The following DDX24 variants were observed in gnomAD, a reference collection of about 807,000 sequenced individuals.
The protein encoded by DDX24 is ATP-dependent RNA helicase DDX24.
In DDX24, 24 loss-of-function variants were observed where a neutral mutation model predicts 68.9. The observed-to-expected ratio is 0.35, with a 90% CI of 0.25 to 0.49. The LOEUF is 0.49. DDX24 is among the 20% of genes least tolerant of loss of function. The pLI is 0.99. For missense variants in DDX24, 989 were observed against 1,039.0 expected, an observed-to-expected ratio of 0.95 and a Z score of 0.66; for synonymous variants, 395 against 385.2, an observed-to-expected ratio of 1.03 and a Z score of -0.30.
rs779464481 is a variant in DDX24 at position 94,061,003 on chromosome 14, C to A, written c.1307G>T (p.Arg436Leu). The A allele has an allele frequency of 2.5e-6, 4 of 1,614,182 alleles. No homozygotes were observed. Among genetic ancestry groups the A allele is most frequent in the Non-Finnish European group, 3.4e-6 (4 of 1,180,034 alleles). The change falls in exon 4 of 9, where the codon CGT becomes CTT. Residue 436 changes from arginine to leucine, a missense_variant. By Grantham distance (102) the Arg-to-Leu change is moderately radical. This residue lies in a region of DDX24 where 691 missense variants were observed against 760.0 expected (regional missense o/e 0.91). Transcript: ENST00000621632. ...STQKQQRMLN[R>L]RPEIVVATPG... ...AGTAGCAACCACAATCTCAGGACGA[C>A]GGTTCAGCATCCTCTGCTGTTTCTG...
Position 94,079,653 on chromosome 14 carries a change from C to A in DDX24, c.90G>T (p.Lys30Asn). ...ACATATTTGGGTCAATCTTCACTTC[C>A]TTCCATTTTCCCACAACTTTGATTC... ...TKGIKVVGKW[K>N]EVKIDPNMFA... The change falls in exon 2 of 9, where the codon AAG becomes AAT. Residue 30 changes from lysine (K) to asparagine (N), a missense_variant. Lys to Asn is a moderately conservative substitution (Grantham distance 94). This residue lies in a region of DDX24 where 295 missense variants were observed against 263.0 expected (regional missense o/e 1.12). Coordinates refer to ENST00000621632, the MANE Select transcript of DDX24 (RefSeq NM_020414.4). The A allele has an allele frequency of 6.2e-7, 1 of 1,614,180 alleles. No individual in the cohort carries two copies. The highest frequency in any genetic ancestry group is 1.1e-5 in the South Asian group (1 of 91,078).
At chr14:94,073,722 A>G (rs1885878866) in intron 2 of DDX24, among the ~76,000 whole-genome samples, 1 of 152,146 alleles carries the variant, frequency 6.6e-6, no homozygotes, top group African/African-American at 2.4e-5. Flanking sequence ...AAACTAATAG[A>G]ACTGCAAGTA....
In DDX24 at chr14:94,081,100, C is replaced by T. The variant is rs573270843; in HGVS notation, c.-6+19G>A. The T allele has an allele frequency of 2.6e-5, 4 of 152,412 alleles. No homozygotes were observed. Among genetic ancestry groups the T allele is most frequent in the Admixed American group, 2.0e-4 (3 of 15,310 alleles). The allele number at this position is 152,412 out of a possible 1,614,324, so 9.4% of individuals were successfully genotyped here. ...CCCTCTCCAGAGTCGGCTCCAACCC[C>T]GCTCGTTTTGGTACTCACCGTGTGG... On this transcript the variant is annotated intron_variant, in intron 1 of 8. Coordinates refer to ENST00000621632, the MANE Select transcript of DDX24 (RefSeq NM_020414.4).
intron 2 of DDX24, among the ~76,000 whole-genome samples, chr14:94,069,046 A>G (rs1885773406): frequency 6.6e-6 from 1 of 152,190 alleles, no homozygotes; most frequent in Admixed American, 6.5e-5. Context: ...AAACAAACAA[A>G]CAAAAAAACA....
chr14:94,078,285 T>C (rs1567062989), intron 2 of DDX24, among the ~76,000 whole-genome samples: 1 of 152,214 alleles, frequency 6.6e-6, no homozygotes, highest in African/African-American at 2.4e-5. Context: ...CCTCCATGGA[T>C]ATCAAGAGAT....
Position 94,051,132 on chromosome 14 carries a change from G to A in DDX24, c.*59C>T. ...TGGAGTGAAACACAAGGGTGGGAGAGGTTTTGCAAATAGCCAGAGAACAGA... is the reference window on the plus strand; with the variant it reads ...TGGAGTGAAACACAAGGGTGGGAGAAGTTTTGCAAATAGCCAGAGAACAGA... On this transcript the variant is annotated 3_prime_UTR_variant, in exon 9 of 9. Coordinates refer to ENST00000621632, the MANE Select transcript of DDX24 (RefSeq NM_020414.4). The A allele has an allele frequency of 6.8e-7, 1 of 1,478,354 alleles. No individual in the cohort carries two copies. Among genetic ancestry groups the A allele is most frequent in the Non-Finnish European group, 9.0e-7 (1 of 1,115,980 alleles). 91.6% of individuals were successfully genotyped at this position (1,478,354 alleles called of 1,614,324 possible).
intron 6 of DDX24, 74 bp downstream of exon 6, chr14:94,057,748 C>T: frequency 4.2e-6 from 6 of 1,434,480 alleles, no homozygotes; most frequent in Non-Finnish European, 5.8e-6. Flanking sequence ...ATTCCTCCTC[C>T]CTCCCCCAAC....
At chr14:94,051,487 CCTATTTA>C in intron 8 of DDX24, 25 bp from the exon 9 acceptor site, 3 of 1,510,310 alleles carry the variant, frequency 2.0e-6, no homozygotes, top group Non-Finnish European at 2.6e-6. Context: ...CAAAAACGAT[CCTATTTA>C]CTATGGTTTG....
In DDX24 at chr14:94,050,885, TAAAAA is replaced by T; in HGVS notation, c.*301_*305del. ...TACACCACCACCCCCATCTTCTATC[TAAAAA>T]AAAAAAAAAAAAATCAGGATGACAC... On this transcript the variant is annotated 3_prime_UTR_variant, in exon 9 of 9. Coordinates refer to ENST00000621632, the MANE Select transcript of DDX24 (RefSeq NM_020414.4). 1 of 226,002 alleles carries T rather than the reference TAAAAA, an allele frequency of 4.4e-6. No individual in the cohort carries two copies. The highest frequency in any genetic ancestry group is 8.1e-6 in the Non-Finnish European group (1 of 123,896). 14.0% of individuals were successfully genotyped at this position (226,002 alleles called of 1,614,324 possible).
chr14:94,080,427 G>A (rs150199731), intron 1 of DDX24, among the ~76,000 whole-genome samples: 4 of 152,294 alleles, frequency 2.6e-5, no homozygotes, highest in Admixed American at 2.6e-4. Context: ...GGCCAAGAAA[G>A]ATAACAGATT....
intron 8 of DDX24, among the ~76,000 whole-genome samples, chr14:94,052,191 C>G (rs376153934): frequency 1.3e-5 from 2 of 152,258 alleles, no homozygotes; most frequent in Non-Finnish European, 2.9e-5. Context: ...CTCTGCTGAG[C>G]TGCATACTTG....
intron 2 of DDX24, among the ~76,000 whole-genome samples, chr14:94,077,278 C>A (rs1162869940): frequency 1.3e-5 from 2 of 152,144 alleles, no homozygotes; most frequent in African/African-American, 2.4e-5. Flanking sequence ...GTTCACAGCC[C>A]CAGATGGATG....
chr14:94,052,911 AC>A, intron 8 of DDX24, 86 bp downstream of exon 8: 3 of 1,510,766 alleles, frequency 2.0e-6, no homozygotes, highest in Non-Finnish European at 2.7e-6. Context: ...TTTTGACAAG[AC>A]CCACAGTAGT....
chr14:94,067,876 GAAC>G (rs1174676725), intron 2 of DDX24, among the ~76,000 whole-genome samples: 1 of 152,082 alleles, frequency 6.6e-6, no homozygotes, highest in Non-Finnish European at 1.5e-5. Flanking sequence ...TATTAAAACA[GAAC>G]AACCTCTTTA....
At position 94,060,618 on chromosome 14, in the gene DDX24, A is replaced by G. The variant is rs201076971; in HGVS notation, c.1398-5T>C. 1.2e-4 allele frequency: 196 copies of G among 1,611,360 alleles called. No homozygotes were observed. In the African/African-American group the frequency reaches 2.4e-3, roughly 20 times the overall value. Reference sequence around the variant, plus strand: ...GCCTCATCCACTACCAGGCACCTGCAGATCCAGAGAGACCCATATCATTGG... The same window carrying G: ...GCCTCATCCACTACCAGGCACCTGCGGATCCAGAGAGACCCATATCATTGG... On this transcript the variant is annotated splice_polypyrimidine_tract_variant and splice_region_variant and intron_variant, in intron 4 of 8. Coordinates refer to ENST00000621632, the MANE Select transcript of DDX24 (RefSeq NM_020414.4).
chr14:94,074,300 G>T (rs985072172), intron 2 of DDX24, among the ~76,000 whole-genome samples: 4 of 152,030 alleles, frequency 2.6e-5, no homozygotes, highest in Non-Finnish European at 5.9e-5. Flanking sequence ...ACTATCCCAT[G>T]AACATAAGTT....
rs775289716 is a variant in DDX24, at chr14:94,079,186, T to C, written c.557A>G (p.Asp186Gly). 29 of 1,614,238 alleles carry C rather than the reference T, an allele frequency of 1.8e-5. No individual in the cohort carries two copies. Among genetic ancestry groups the C allele is most frequent in the Non-Finnish European group, 2.5e-5 (29 of 1,180,042 alleles). Residue 186 changes from aspartate to glycine, a missense_variant, in exon 2 of 9, where the codon GAT becomes GGT. Physicochemically the swap from Asp to Gly is moderately conservative, Grantham distance 94. Coordinates refer to ENST00000621632, the MANE Select transcript of DDX24 (RefSeq NM_020414.4). ...CCAAGCTGACACATCTGCTTTCTGA[T>C]CATGAACTTCAGGAATCCATGTCTT... ...KAKTWIPEVH[D>G]QKADVSAWKD...
In DDX24 at chr14:94,060,591, C is replaced by A. The variant is rs1314350143; in HGVS notation, c.1420G>T (p.Asp474Tyr). The A allele has an allele frequency of 3.1e-6, 5 of 1,613,374 alleles. No homozygotes were observed. The highest frequency in any genetic ancestry group is 4.2e-6 in the Non-Finnish European group (5 of 1,179,498). ...QLRCLVVDEA[D>Y]RMVEKGHFAE... is the part of the protein sequence containing the mutation. ...AAATGGCCTTTCTCAACCATCCGGTCAGCCTCATCCACTACCAGGCACCTG... is the reference window on the plus strand; with the variant it reads ...AAATGGCCTTTCTCAACCATCCGGTAAGCCTCATCCACTACCAGGCACCTG... Residue 474 changes from aspartate (D) to tyrosine (Y), a missense_variant, in exon 5 of 9, where the codon GAC (aspartate) becomes TAC (tyrosine). By Grantham distance (160) the Asp-to-Tyr change is radical. Around this residue, in one of 3 missense-constraint regions of DDX24, gnomAD observed 691 missense variants for 760.0 expected, o/e 0.91. Coordinates refer to ENST00000621632, the MANE Select transcript of DDX24 (RefSeq NM_020414.4).
chr14:94,065,494 A>G (rs1483557423), intron 2 of DDX24, among the ~76,000 whole-genome samples: 1 of 152,192 alleles, frequency 6.6e-6, no homozygotes, highest in African/African-American at 2.4e-5. Context: ...TGCTCCCGGG[A>G]TCACTGCAGA....
Sources: gnomAD v4.1 joint callset for allele counts (sites outside exome capture counted in the v4.1 genomes callset) on GRCh38, gnomAD v4.1.1 for gene constraint, gnomAD v4.1.1 regional missense constraint, MANE v1.5 for transcripts, NCBI Gene and HGNC (gene_info 2026-07-23, HGNC 2026-07-21) for gene names.